The following ACOT7 variants were observed in gnomAD, a reference collection of about 807,000 sequenced individuals.
ACOT7 encodes acyl-CoA thioesterase 7.
Under a neutral mutation model 40.2 loss-of-function variants are expected in ACOT7, and 12 were observed. The observed-to-expected ratio is 0.30, with a 90% CI of 0.19 to 0.48. ACOT7 has a LOEUF of 0.48. Ranked by LOEUF, ACOT7 falls within the 20% of genes least tolerant of loss-of-function variation. The pLI, the probability that ACOT7 is intolerant of heterozygous loss-of-function variation, is 0.99. For missense variants in ACOT7, 395 were observed against 530.8 expected, an observed-to-expected ratio of 0.74 and a Z score of 2.51; for synonymous variants, 228 against 219.5, an observed-to-expected ratio of 1.04 and a Z score of -0.34.
In ACOT7 at chr1:6,320,441, AAAT is replaced by A. The variant is rs1216670295; in HGVS notation, c.626-1866_626-1864del. On this transcript the variant is annotated intron_variant, in intron 5 of 8. Coordinates refer to ENST00000361521, the MANE Select transcript of ACOT7 (RefSeq NM_007274.4). ...GTTGATTTCCTGCTAGGTAAAGTCC[AAAT>A]CAGGCTTTCCTAGTGGGGTAGATTT... Among the ~76,000 whole-genome samples the A allele has an allele frequency of 9.8e-5, 15 of 152,310 alleles. No homozygotes were observed. The South Asian group carries it at 2.7e-3, about 27-fold the overall frequency.
chr1:6,288,934 C>T lies in ACOT7; in HGVS notation c.829+5930G>A, dbSNP rs1397470726. Among the ~76,000 whole-genome samples, 1 of 152,216 alleles carries T rather than the reference C, an allele frequency of 6.6e-6. No homozygotes were observed. Among genetic ancestry groups the T allele is most frequent in the African/African-American group, 2.4e-5 (1 of 41,468 alleles). On this transcript the variant is annotated intron_variant, in intron 7 of 8. Coordinates refer to ENST00000361521, the MANE Select transcript of ACOT7 (RefSeq NM_007274.4). The surrounding 1 kb of genome is among the most constrained non-coding windows in gnomAD (Gnocchi z 4.3). ...CCCAAGCGAGGGCAAGCCACAGCCA[C>T]AGGGCCTGGCACTTGGTCAATATCG...
chr1:6,298,867 A>C (rs1321213256), intron 6 of ACOT7, among the ~76,000 whole-genome samples: 1 of 152,180 alleles, frequency 6.6e-6, no homozygotes, highest in African/African-American at 2.4e-5. Flanking sequence ...ACAGAATAGG[A>C]TCATCCGTGT....
intron 5 of ACOT7, among the ~76,000 whole-genome samples, chr1:6,324,163 C>T (rs570998979): frequency 1.3e-5 from 2 of 152,220 alleles, no homozygotes; most frequent in African/African-American, 4.8e-5. Context: ...CACCCCTGGG[C>T]TCCCGAGGGT....
chr1:6,391,979 C>T (rs559594052), intron 1 of ACOT7, among the ~76,000 whole-genome samples: 1 of 151,776 alleles, frequency 6.6e-6, no homozygotes, highest in Admixed American at 6.6e-5. Flanking sequence ...CCTCCAGAGT[C>T]GATGGGACCA....
intron 1 of ACOT7, among the ~76,000 whole-genome samples, chr1:6,361,736 G>A (rs559695363): frequency 1.3e-5 from 2 of 152,264 alleles, no homozygotes; most frequent in South Asian, 4.1e-4. Context: ...GGCGGAGGTT[G>A]CAGTGAGCCA....
intron 7 of ACOT7, among the ~76,000 whole-genome samples, chr1:6,287,176 C>A (rs1639527732): frequency 6.6e-6 from 1 of 152,236 alleles, no homozygotes; most frequent in Non-Finnish European, 1.5e-5. Context: ...CCAGGGCAGG[C>A]CTCAAAGGTG....
At chr1:6,298,116 T>C (rs903227452) in intron 6 of ACOT7, among the ~76,000 whole-genome samples, 1 of 152,142 alleles carries the variant, frequency 6.6e-6, no homozygotes, top group Non-Finnish European at 1.5e-5. Flanking sequence ...CAACCTGTGC[T>C]GGGGGCATCA....
rs1330551119 is a variant in ACOT7 at position 6,278,638 on chromosome 1, A to G, written c.1014+2464T>C. ...TTGAGGGGCAGCACTGGCCAAGTCA[A>G]TTTGGGAGTCAATACAACACACAGG... On this transcript the variant is annotated intron_variant, in intron 8 of 8. Coordinates refer to ENST00000361521, the MANE Select transcript of ACOT7 (RefSeq NM_007274.4). This position sits in a 1 kb window ranked among gnomAD's most constrained non-coding sequence, Gnocchi z 4.1. Among the ~76,000 whole-genome samples the G allele has an allele frequency of 6.6e-6, 1 of 152,162 alleles. No homozygotes were observed. Among genetic ancestry groups the G allele is most frequent in the Non-Finnish European group, 1.5e-5 (1 of 68,034 alleles).
chr1:6,270,973 G>A (rs1422014564), intron 8 of ACOT7, among the ~76,000 whole-genome samples: 2 of 152,138 alleles, frequency 1.3e-5, no homozygotes, highest in African/African-American at 2.4e-5. Flanking sequence ...TTGACAGTAC[G>A]CTCCCTCCCT....
intron 1 of ACOT7, among the ~76,000 whole-genome samples, chr1:6,367,073 C>T (rs994851471): frequency 1.3e-5 from 2 of 151,892 alleles, no homozygotes; most frequent in African/African-American, 4.8e-5. Flanking sequence ...GTGGCAGGCA[C>T]CTGTAGTCCC....
At chr1:6,344,534 G>A (rs907139974) in intron 2 of ACOT7, among the ~76,000 whole-genome samples, 4 of 152,108 alleles carry the variant, frequency 2.6e-5, no homozygotes, top group African/African-American at 9.7e-5. Flanking sequence ...AGGAGGCCGA[G>A]GCAGGTGGAT....
chr1:6,300,164 A>G (rs372649858), intron 6 of ACOT7, among the ~76,000 whole-genome samples: 31 of 152,304 alleles, frequency 2.0e-4, no homozygotes, highest in African/African-American at 7.0e-4. Context: ...GTCGCCATCC[A>G]GCAGCTAGTC....
At chr1:6,365,553 A>G (rs1230314450) in intron 1 of ACOT7, among the ~76,000 whole-genome samples, 1 of 152,060 alleles carries the variant, frequency 6.6e-6, no homozygotes, top group African/African-American at 2.4e-5. Flanking sequence ...GTGGATCACA[A>G]GGTCAGGAGA....
At chr1:6,376,529 C>T (rs959228121) in intron 1 of ACOT7, among the ~76,000 whole-genome samples, 2 of 151,504 alleles carry the variant, frequency 1.3e-5, no homozygotes, top group African/African-American at 4.9e-5. Context: ...GAGATCGAGA[C>T]CAGCCTAGCC....
At chr1:6,365,641 G>A (rs903771880) in intron 1 of ACOT7, among the ~76,000 whole-genome samples, 9 of 151,458 alleles carry the variant, frequency 5.9e-5, no homozygotes, top group Non-Finnish European at 8.8e-5. Context: ...GGTAGTGGGC[G>A]CCTGTAGTCC....
At chr1:6,342,358 T>G (rs1300393766) in intron 2 of ACOT7, among the ~76,000 whole-genome samples, 1 of 152,130 alleles carries the variant, frequency 6.6e-6, no homozygotes, top group African/African-American at 2.4e-5. Flanking sequence ...GGGTGAGAAT[T>G]TCAACACATG....
intron 2 of ACOT7, among the ~76,000 whole-genome samples, chr1:6,340,047 G>C (rs1641229131): frequency 6.6e-6 from 1 of 151,062 alleles, no homozygotes; most frequent in African/African-American, 2.5e-5. Flanking sequence ...CTCACTGCAA[G>C]CGCCGCCTCC....
At chr1:6,381,389 T>G (rs1418240476) in intron 1 of ACOT7, among the ~76,000 whole-genome samples, 1 of 151,726 alleles carries the variant, frequency 6.6e-6, no homozygotes, top group East Asian at 1.9e-4. Context: ...TAGACATTTC[T>G]ACAAAGAAAA....
intron 6 of ACOT7, among the ~76,000 whole-genome samples, chr1:6,316,502 A>G (rs1235792012): frequency 6.6e-6 from 1 of 152,134 alleles, no homozygotes; most frequent in Non-Finnish European, 1.5e-5. Context: ...AAAAGAAACA[A>G]ACTTTGGAAA....
Sources: gnomAD v4.1 joint callset for allele counts (sites outside exome capture counted in the v4.1 genomes callset) on GRCh38, gnomAD v4.1.1 for gene constraint, Gnocchi (gnomAD v3.1) non-coding constraint, MANE v1.5 for transcripts, NCBI Gene and HGNC (gene_info 2026-07-23, HGNC 2026-07-21) for gene names.